SIAH2: variants seen among roughly 807,000 people sequenced by gnomAD.
The protein encoded by SIAH2 is E3 ubiquitin-protein ligase SIAH2.
A neutral mutation model predicts 20.4 loss-of-function variants in SIAH2; 4 were observed. The ratio of observed to expected loss-of-function variants is 0.20; its 90% CI spans 0.10 to 0.45. The LOEUF is 0.45. Among genes scored for constraint, SIAH2 ranks in the 20% least tolerant of loss-of-function variants. The probability of loss-of-function intolerance (pLI) is 0.99; values close to 1 mark genes in which losing one functional copy is unlikely to be tolerated. For synonymous variants in SIAH2, 171 were observed against 192.5 expected, an observed-to-expected ratio of 0.89 and a Z score of 0.93; for missense variants, 259 against 440.3, an observed-to-expected ratio of 0.59 and a Z score of 3.69.
At position 150,746,391 on chromosome 3, in the gene SIAH2, G is replaced by A. The variant is rs559205428; in HGVS notation, c.418-3693C>T. On this transcript the variant is annotated intron_variant, in intron 1 of 1. Coordinates refer to ENST00000312960, the MANE Select transcript of SIAH2 (RefSeq NM_005067.7). The stretch of plus-strand genomic sequence containing the variant: ...AGCCTGGGCAACAGACTGAGACTCT[G>A]TCTCAAAAAACAAACAAACAAACAA... Among the ~76,000 whole-genome samples, 169 of 152,172 alleles carry A rather than the reference G, an allele frequency of 1.1e-3. No individual in the cohort carries two copies. The South Asian group carries it at 0.012, about 11-fold the overall frequency.
Position 150,742,718 on chromosome 3 carries a change from T to A in SIAH2, c.418-20A>T. On this transcript the variant is annotated intron_variant, in intron 1 of 1. Transcript: ENST00000312960. The surrounding 1 kb of genome is among the most constrained non-coding windows in gnomAD (Gnocchi z 4.8). ...GGCATACTGCAAAGAAAGAAATGCA[T>A]TGAGCCATTGGGCCTTCTCAAAACT... 6.6e-7 allele frequency: 1 copy of A among 1,518,052 alleles called. No homozygotes were observed. 94.0% of individuals were successfully genotyped at this position (1,518,052 alleles called of 1,614,324 possible). A position where few individuals can be genotyped will look rare whatever the true frequency, so the allele number is the denominator to read the frequency against.
intron 1 of SIAH2, among the ~76,000 whole-genome samples, chr3:150,747,964 C>CAA (rs58478348): frequency 0.092 from 5,181 of 56,034 alleles, 375 homozygotes; most frequent in East Asian, 0.36. Flanking sequence ...AACGCCATCT[C>CAA]AAAAAAAAAA....
intron 1 of SIAH2, among the ~76,000 whole-genome samples, chr3:150,753,629 A>G (rs1003394823): frequency 1.3e-5 from 2 of 152,122 alleles, no homozygotes; most frequent in African/African-American, 4.8e-5. Flanking sequence ...CCCTGTTCCT[A>G]CAAAAAATAC....
chr3:150,746,885 G>A (rs565354273), intron 1 of SIAH2, among the ~76,000 whole-genome samples: 4 of 152,326 alleles, frequency 2.6e-5, no homozygotes, highest in Admixed American at 2.0e-4. Flanking sequence ...ATCAGAACAT[G>A]ATCGCTAGCA....
chr3:150,748,754 T>TA lies in SIAH2; in HGVS notation c.418-6057dup, dbSNP rs201060729. On this transcript the variant is annotated intron_variant, in intron 1 of 1. Transcript: ENST00000312960. The stretch of plus-strand genomic sequence containing the variant: ...CTAAGAAATGACCTTGTCTTGGAGT[T>TA]AAAAAAAGCAAATGGCACTTTCTTT... 3.9e-4 allele frequency among the ~76,000 whole-genome samples: 59 copies of TA among 152,310 alleles called. 2 individuals carry two copies. In the East Asian group the frequency reaches 9.1e-3, roughly 23 times the overall value.
intron 1 of SIAH2, among the ~76,000 whole-genome samples, chr3:150,755,384 G>T (rs2108123571): frequency 7.7e-6 from 1 of 130,314 alleles, no homozygotes; most frequent in East Asian, 2.6e-4. Context: ...AGGCTGGAGG[G>T]TATTGGCAAG....
intron 1 of SIAH2, among the ~76,000 whole-genome samples, chr3:150,755,919 G>A (rs892336354): frequency 6.6e-6 from 1 of 152,146 alleles, no homozygotes; most frequent in Admixed American, 6.5e-5. Flanking sequence ...CAAAATGCTG[G>A]GATTACAGGC....
At chr3:150,752,553 G>A (rs983962440) in intron 1 of SIAH2, among the ~76,000 whole-genome samples, 2 of 152,016 alleles carry the variant, frequency 1.3e-5, no homozygotes, top group African/African-American at 2.4e-5. Flanking sequence ...AGGTTGCAGT[G>A]AGCCAAGATC....
At position 150,762,344 on chromosome 3, in the gene SIAH2, G is replaced by A. The variant is rs1164191570; in HGVS notation, c.417+89C>T. Reference sequence around the variant, plus strand: ...TTTTTTTTTTTAAATGAGAGATGCCGCCCGCCTCTCCGGGCCTGCGAGTGG... The same window carrying A: ...TTTTTTTTTTTAAATGAGAGATGCCACCCGCCTCTCCGGGCCTGCGAGTGG... On this transcript the variant is annotated intron_variant, in intron 1 of 1. Transcript: ENST00000312960. The surrounding 1 kb of genome is among the most constrained non-coding windows in gnomAD (Gnocchi z 6.6). The A allele has an allele frequency of 6.7e-6, 10 of 1,495,702 alleles. No homozygotes were observed. Among genetic ancestry groups the A allele is most frequent in the South Asian group, 1.3e-5 (1 of 77,938 alleles). 92.7% of individuals were successfully genotyped at this position (1,495,702 alleles called of 1,614,324 possible). A position where few individuals can be genotyped will look rare whatever the true frequency, so the allele number is the denominator to read the frequency against.
At chr3:150,743,810 G>T (rs1714153241) in intron 1 of SIAH2, among the ~76,000 whole-genome samples, 1 of 152,048 alleles carries the variant, frequency 6.6e-6, no homozygotes, top group African/African-American at 2.4e-5. Flanking sequence ...CCTGCCCTGA[G>T]TACTAAGCTG....
At chr3:150,750,646 G>A (rs1991781) in intron 1 of SIAH2, among the ~76,000 whole-genome samples, 19,388 of 151,894 alleles carry the variant, frequency 0.13, 2,403 homozygotes, top group East Asian at 0.37. Context: ...ATGAATTCCC[G>A]GCGTCAAGCA....
chr3:150,755,737 G>T, intron 1 of SIAH2, among the ~76,000 whole-genome samples: 1 of 151,922 alleles, frequency 6.6e-6, no homozygotes, highest in East Asian at 1.9e-4. Flanking sequence ...GGCTGGTCTC[G>T]AACTCCCAAT....
rs561874482 is a variant in SIAH2 at position 150,763,118 on chromosome 3, C to G, written c.-269G>C. The stretch of plus-strand genomic sequence containing the variant: ...CGGCGTCCCGGGCCCCGAACCCCAG[C>G]GGTGCGCAGAGCCCTGGCCCACCCG... On this transcript the variant is annotated 5_prime_UTR_variant, in exon 1 of 2. Coordinates refer to ENST00000312960, the MANE Select transcript of SIAH2 (RefSeq NM_005067.7). The surrounding 1 kb of genome is among the most constrained non-coding windows in gnomAD (Gnocchi z 4.1). The G allele has an allele frequency of 2.7e-3, 441 of 166,038 alleles. 4 individuals are homozygous for G. The highest frequency in any genetic ancestry group is 0.011 in the African/African-American group (426 of 39,160). The allele number at this position is 166,038 out of a possible 1,614,324, so 10.3% of individuals were successfully genotyped here. A position where few individuals can be genotyped will look rare whatever the true frequency, so the allele number is the denominator to read the frequency against.
chr3:150,762,882 C>T lies in SIAH2; in HGVS notation c.-33G>A, dbSNP rs754988569. 2.6e-6 allele frequency: 3 copies of T among 1,171,294 alleles called. No individual in the cohort carries two copies. The highest frequency in any genetic ancestry group is 1.6e-5 in the African/African-American group (1 of 61,302). The allele number at this position is 1,171,294 out of a possible 1,614,324, so 72.6% of individuals were successfully genotyped here. A position where few individuals can be genotyped will look rare whatever the true frequency, so the allele number is the denominator to read the frequency against. On this transcript the variant is annotated 5_prime_UTR_variant, in exon 1 of 2. Transcript: ENST00000312960. The surrounding 1 kb of genome is among the most constrained non-coding windows in gnomAD (Gnocchi z 6.6). ...CGAACCAACCATGGAACTGCGGGCGCCTGCCTGCCGCGGGGCCGCCCGGGT... is the reference window on the plus strand; with the variant it reads ...CGAACCAACCATGGAACTGCGGGCGTCTGCCTGCCGCGGGGCCGCCCGGGT...
intron 1 of SIAH2, among the ~76,000 whole-genome samples, chr3:150,759,249 T>C (rs567227598): frequency 1.3e-5 from 2 of 152,288 alleles, no homozygotes; most frequent in African/African-American, 2.4e-5. Context: ...CTTTAATTAA[T>C]TACCCTAAAC....
intron 1 of SIAH2, among the ~76,000 whole-genome samples, chr3:150,746,324 A>T (rs1042529929): frequency 6.6e-6 from 1 of 152,148 alleles, no homozygotes; most frequent in Non-Finnish European, 1.5e-5. Flanking sequence ...TGAACCCAGG[A>T]GGAGGAGGTT....
intron 1 of SIAH2, among the ~76,000 whole-genome samples, chr3:150,749,345 A>T (rs1034865506): frequency 2.1e-5 from 3 of 139,896 alleles, no homozygotes; most frequent in Admixed American, 7.0e-5. Context: ...ATAAAAAGTT[A>T]AAAAAAAAAA....
rs972431248 is a variant in SIAH2, at chr3:150,754,195, A to C, written c.417+8238T>G. Among the ~76,000 whole-genome samples the C allele has an allele frequency of 3.9e-5, 6 of 152,324 alleles. No homozygotes were observed. The South Asian group carries it at 1.2e-3, about 32-fold the overall frequency. ...ACAAAGAAATACTTGAGACTGAGTA[A>C]GTTATAAAGAAAAGAGGTTTAATTG... On this transcript the variant is annotated intron_variant, in intron 1 of 1. Coordinates refer to ENST00000312960, the MANE Select transcript of SIAH2 (RefSeq NM_005067.7).
chr3:150,757,670 C>T (rs1250108166), intron 1 of SIAH2, among the ~76,000 whole-genome samples: 3 of 151,536 alleles, frequency 2.0e-5, no homozygotes, highest in South Asian at 4.2e-4. Context: ...GAAAAAAAAT[C>T]GAGATATTTA....
Sources: allele counts gnomAD v4.1 joint callset (sites outside exome capture counted in the v4.1 genomes callset), GRCh38; gene constraint gnomAD v4.1.1; non-coding constraint Gnocchi (gnomAD v3.1); transcripts MANE v1.5; gene names NCBI Gene and HGNC (gene_info 2026-07-23, HGNC 2026-07-21).